Variants in CNTN4 observed in about 807,000 individuals in gnomAD.
The protein encoded by CNTN4 is contactin-4.
A neutral mutation model predicts 122.5 loss-of-function variants in CNTN4; 77 were observed. That is an observed-to-expected ratio of 0.63 (90% CI 0.52 to 0.76). CNTN4 has a LOEUF of 0.76. Ranked by LOEUF, CNTN4 falls within the 30% of genes least tolerant of loss-of-function variation. The pLI is 0.00. For missense variants in CNTN4, 1,256 were observed against 1,259.1 expected (o/e 1.00, Z 0.04); for synonymous variants, 512 against 447.0 (o/e 1.15, Z -1.83).
intron 4 of CNTN4, among the ~76,000 whole-genome samples, chr3:2,580,022 A>G (rs2079863905): frequency 7.1e-6 from 1 of 141,128 alleles, no homozygotes; most frequent in Non-Finnish European, 1.5e-5. Context: ...AAATACCTAA[A>G]TTGGTTAAGC....
intron 4 of CNTN4, among the ~76,000 whole-genome samples, chr3:2,695,387 T>A (rs1271296409): frequency 1.3e-5 from 2 of 152,212 alleles, no homozygotes; most frequent in South Asian, 4.1e-4. Flanking sequence ...ACCTTTTCAG[T>A]ATTGAAGATT....
intron 3 of CNTN4, among the ~76,000 whole-genome samples, chr3:2,347,425 T>TTTA (rs2044440121): frequency 6.7e-6 from 1 of 150,060 alleles, no homozygotes. Context: ...TTTTTTTTTT[T>TTTA]TTTGGAGACA....
intron 2 of CNTN4, among the ~76,000 whole-genome samples, chr3:2,287,356 C>G (rs922019932): frequency 6.6e-6 from 1 of 151,938 alleles, no homozygotes; most frequent in Non-Finnish European, 1.5e-5. Flanking sequence ...TATCCTAACA[C>G]TTTGGGAGGC....
intron 3 of CNTN4, among the ~76,000 whole-genome samples, chr3:2,461,298 C>A (rs1232476205): frequency 1.3e-5 from 2 of 152,140 alleles, no homozygotes; most frequent in Admixed American, 6.5e-5. Context: ...TGTTTTCACT[C>A]TTCTTCCCTT....
chr3:2,175,121 A>G (rs753221367), intron 2 of CNTN4, among the ~76,000 whole-genome samples: 23 of 152,220 alleles, frequency 1.5e-4, no homozygotes, highest in Non-Finnish European at 2.9e-4. Context: ...AATATGTATA[A>G]GACATTTATT....
In CNTN4 at chr3:2,415,479, T is replaced by C. The variant is rs913642833; in HGVS notation, c.-89+76246T>C. Among the ~76,000 whole-genome samples the C allele has an allele frequency of 2.0e-5, 3 of 152,190 alleles. No individual in the cohort carries two copies. The South Asian group carries it at 6.2e-4, about 31-fold the overall frequency. ...CAGGTGTGGGCAATTGTTGGGTGCC[T>C]TTAAAAAGTCATAACATTTCCAGGG... On this transcript the variant is annotated intron_variant, in intron 3 of 24. Transcript: ENST00000418658.
intron 3 of CNTN4, among the ~76,000 whole-genome samples, chr3:2,472,366 G>A (rs896620382): frequency 1.3e-5 from 2 of 151,880 alleles, no homozygotes; most frequent in Non-Finnish European, 2.9e-5. Context: ...TCAGCTTCCC[G>A]AGTAACTGGA....
chr3:2,306,866 T>G (rs1277499897), intron 2 of CNTN4, among the ~76,000 whole-genome samples: 2 of 149,716 alleles, frequency 1.3e-5, no homozygotes, highest in African/African-American at 5.0e-5. Context: ...TCCTAAGTAT[T>G]TTATTATTTT....
At chr3:2,793,919 T>C (rs1576816121) in intron 6 of CNTN4, among the ~76,000 whole-genome samples, 2 of 152,204 alleles carry the variant, frequency 1.3e-5, no homozygotes, top group African/African-American at 2.4e-5. Context: ...AATTCCTATC[T>C]GAGAAAAATG....
intron 12 of CNTN4, among the ~76,000 whole-genome samples, chr3:2,912,346 C>G (rs1254364336): frequency 1.3e-5 from 2 of 152,100 alleles, no homozygotes; most frequent in African/African-American, 4.8e-5. Flanking sequence ...AACTGTCCTT[C>G]CAAAATGAGG....
intron 3 of CNTN4, among the ~76,000 whole-genome samples, chr3:2,526,563 C>G (rs1397192948): frequency 6.6e-6 from 1 of 152,008 alleles, no homozygotes; most frequent in Non-Finnish European, 1.5e-5. Context: ...TAAATTTATT[C>G]CAGTCTAAGA....
intron 6 of CNTN4, among the ~76,000 whole-genome samples, chr3:2,749,432 C>T (rs2089980724): frequency 6.6e-6 from 1 of 152,000 alleles, no homozygotes; most frequent in Non-Finnish European, 1.5e-5. Flanking sequence ...CTCAGCCTCC[C>T]AACAAGGTGA....
chr3:2,390,707 G>A (rs66880163), intron 3 of CNTN4, among the ~76,000 whole-genome samples: 33,628 of 151,798 alleles, frequency 0.22, 4,114 homozygotes, highest in Admixed American at 0.33. Flanking sequence ...TTCCTTTGAC[G>A]TAAAACAATG....
intron 6 of CNTN4, among the ~76,000 whole-genome samples, chr3:2,779,178 A>T (rs2091467181): frequency 6.6e-6 from 1 of 152,150 alleles, no homozygotes; most frequent in Admixed American, 6.5e-5. Context: ...TAACATCACG[A>T]TGTTGAAATG....
rs373029798 is a variant in CNTN4, at chr3:2,334,307, G to A, written c.-144-4871G>A. Among the ~76,000 whole-genome samples the A allele has an allele frequency of 5.9e-5, 9 of 152,178 alleles. No individual in the cohort carries two copies. The East Asian group carries it at 1.2e-3, about 20-fold the overall frequency. On this transcript the variant is annotated intron_variant, in intron 2 of 24. Coordinates refer to ENST00000418658, the MANE Select transcript of CNTN4 (RefSeq NM_175607.3). ...CAAGTAGCTGGGATTGCAGGTGTGC[G>A]CTACCACATCTAGCTAATTTTTTGT...
chr3:2,568,780 G>A (rs2149477417), intron 3 of CNTN4, among the ~76,000 whole-genome samples: 1 of 152,234 alleles, frequency 6.6e-6, no homozygotes, highest in East Asian at 1.9e-4. Flanking sequence ...GTAAATAAAT[G>A]CCAATAGGAT....
At chr3:2,719,631 C>T (rs563191316) in intron 4 of CNTN4, among the ~76,000 whole-genome samples, 12 of 152,220 alleles carry the variant, frequency 7.9e-5, no homozygotes, top group African/African-American at 2.2e-4. Flanking sequence ...ACCATGTTGG[C>T]CAGGCTGGTC....
intron 3 of CNTN4, among the ~76,000 whole-genome samples, chr3:2,340,107 AT>A (rs59750044): frequency 0.071 from 10,776 of 152,190 alleles, 442 homozygotes; most frequent in Middle Eastern, 0.079. Flanking sequence ...TCTTAACTTG[AT>A]TTTTATCTGT....
intron 2 of CNTN4, among the ~76,000 whole-genome samples, chr3:2,297,286 T>C (rs1314160413): frequency 6.6e-6 from 1 of 152,216 alleles, no homozygotes. Context: ...AGATTTGGTT[T>C]TAGTTTTATT....
Sources: gnomAD v4.1 joint callset for allele counts (sites outside exome capture counted in the v4.1 genomes callset) on GRCh38, gnomAD v4.1.1 for gene constraint, MANE v1.5 for transcripts, NCBI Gene and HGNC (gene_info 2026-07-23, HGNC 2026-07-21) for gene names.